The following SCAF1 variants were observed in gnomAD, a reference collection of about 807,000 sequenced individuals.
SCAF1 encodes the protein splicing factor, arginine/serine-rich 19.
In SCAF1, 28 loss-of-function variants were observed where a neutral mutation model predicts 91.2. The observed-to-expected ratio is 0.31, with a 90% CI of 0.23 to 0.42. The LOEUF is 0.42. SCAF1 is among the 10% of genes least tolerant of loss of function. SCAF1 has a pLI of 1.00. For synonymous variants in SCAF1, 1,036 were observed against 833.7 expected (o/e 1.24, Z -4.18); for missense variants, 1,893 against 1,872.1 (o/e 1.01, Z -0.21).
chr19:49,652,123 C>G lies in SCAF1; in HGVS notation c.1734C>G (p.Ser578=), dbSNP rs1057073314. 19 of 1,126,656 alleles carry G rather than the reference C, an allele frequency of 1.7e-5. No homozygotes were observed. Among genetic ancestry groups the G allele is most frequent in the Non-Finnish European group, 2.0e-5 (18 of 913,842 alleles). 69.8% of individuals were successfully genotyped at this position (1,126,656 alleles called of 1,614,324 possible). ...CCCGCCGCCGCTCCCGCTCCCGCTC[C>G]CGCTCCCGCTCCACCCGCCGCCGCT... ...SSARRRSRSR[S]RSRSTRRRSR... Residue 578 remains serine, a synonymous_variant, in exon 7 of 11, where the codon TCC becomes TCG. Transcript: ENST00000360565.
intron 9 of SCAF1, 36 bp from the exon 10 acceptor site, chr19:49,657,725 T>G: frequency 6.4e-7 from 1 of 1,573,736 alleles, no homozygotes; most frequent in Non-Finnish European, 8.6e-7. Flanking sequence ...TCACTGGCCC[T>G]TGCTGTGTCT....
chr19:49,651,881 T>TCGCCCTCCCCGGCGCCCG lies in SCAF1; in HGVS notation c.1498_1515dup (p.Ser500_Pro505dup), dbSNP rs1323659898. The stretch of plus-strand genomic sequence containing the variant: ...ACGGCGGGAGCGCTACCGCCAGCGC[T>TCGCCCTCCCCGGCGCCCG]CGCCCTCCCCGGCGCCCGCGCCCGC... On this transcript the variant is annotated inframe_insertion, in exon 7 of 11. Coordinates refer to ENST00000360565, the MANE Select transcript of SCAF1 (RefSeq NM_021228.3). 2.2e-5 allele frequency: 27 copies of TCGCCCTCCCCGGCGCCCG among 1,206,876 alleles called. No homozygotes were observed. The highest frequency in any genetic ancestry group is 2.8e-5 in the Non-Finnish European group (27 of 969,816). 74.8% of individuals were successfully genotyped at this position (1,206,876 alleles called of 1,614,324 possible).
chr19:49,652,481 C>T lies in SCAF1; in HGVS notation c.2092C>T (p.Leu698Phe). 1.9e-6 allele frequency: 3 copies of T among 1,594,384 alleles called. No homozygotes were observed. The highest frequency in any genetic ancestry group is 1.1e-5 in the South Asian group (1 of 88,774). Residue 698 changes from leucine to phenylalanine, a missense_variant, in exon 7 of 11, where the codon CTC (leucine) becomes TTC (phenylalanine). Coordinates refer to ENST00000360565, the MANE Select transcript of SCAF1 (RefSeq NM_021228.3). ...PSIQDLTDHD[L>F]FAIKRTITVG... ...CATCCAGGACCTCACGGACCACGAC[C>T]TCTTCGCCATCAAGCGGACCATCAC... is the stretch of plus-strand genomic sequence containing the variant.
At chr19:49,653,757 G>A in intron 7 of SCAF1, 52 bp downstream of exon 7, 1 of 1,446,968 alleles carries the variant, frequency 6.9e-7, no homozygotes, top group East Asian at 2.5e-5. Flanking sequence ...ACAGGATGGG[G>A]ACTGGAGGGT....
chr19:49,650,757 C>T (rs916825232), intron 6 of SCAF1, 111 bp from the exon 7 acceptor site: 2 of 772,554 alleles, frequency 2.6e-6, no homozygotes, highest in Non-Finnish European at 2.1e-6. Flanking sequence ...GCACTTGGGG[C>T]TTCCTGGGCA....
In SCAF1 at chr19:49,647,509, C is replaced by T. The variant is rs552995818; in HGVS notation, c.478+679C>T. ...ACCCTGGGTTTAGGCCTTCCTTCTA[C>T]GTGAACATCTGTATTTGGAGGAGGG... is the stretch of plus-strand genomic sequence containing the variant. On this transcript the variant is annotated intron_variant, in intron 6 of 10. Transcript: ENST00000360565. Among the ~76,000 whole-genome samples, 9 of 152,212 alleles carry T rather than the reference C, an allele frequency of 5.9e-5. No individual in the cohort carries two copies. The South Asian group carries it at 1.5e-3, about 25-fold the overall frequency.
chr19:49,657,159 CAAAGAAACAAA>C (rs1568446998), intron 9 of SCAF1, among the ~76,000 whole-genome samples: 1 of 152,066 alleles, frequency 6.6e-6, no homozygotes, highest in African/African-American at 2.4e-5. Flanking sequence ...GTCTCAAAAA[CAAAGAAACAAA>C]AAAGGAGCCA....
intron 9 of SCAF1, among the ~76,000 whole-genome samples, chr19:49,657,016 G>A (rs896133909): frequency 3.9e-5 from 6 of 152,170 alleles, no homozygotes; most frequent in Admixed American, 2.0e-4. Flanking sequence ...TTAGCCAGGC[G>A]TGGGGGTGGC....
At chr19:49,657,596 C>T (rs2081147987) in intron 9 of SCAF1, among the ~76,000 whole-genome samples, 165 bp from the exon 10 acceptor site, 1 of 152,222 alleles carries the variant, frequency 6.6e-6, no homozygotes, top group South Asian at 2.1e-4. Flanking sequence ...TCCCGGGCAC[C>T]TGCAGCAGAG....
rs2081093707 is a variant in SCAF1, at chr19:49,651,866, C to G, written c.1477C>G (p.Arg493Gly). ...RRKILTQRRE[R>G]YRQRSPSPAP... ...CAAGATCCTGACCCAACGGCGGGAGCGCTACCGCCAGCGCTCGCCCTCCCC... is the reference window on the plus strand; with the variant it reads ...CAAGATCCTGACCCAACGGCGGGAGGGCTACCGCCAGCGCTCGCCCTCCCC... The change falls in exon 7 of 11, where the codon CGC (arginine) becomes GGC (glycine). Residue 493 changes from arginine (R) to glycine (G), a missense_variant. Coordinates refer to ENST00000360565, the MANE Select transcript of SCAF1 (RefSeq NM_021228.3). The G allele has an allele frequency of 1.6e-6, 2 of 1,235,908 alleles. No individual in the cohort carries two copies. The highest frequency in any genetic ancestry group is 2.0e-6 in the Non-Finnish European group (2 of 988,200). The allele number at this position is 1,235,908 out of a possible 1,614,324, so 76.6% of individuals were successfully genotyped here.
rs752968822 is a variant in SCAF1 at position 49,646,094 on chromosome 19, A to G, written c.167-14A>G. 6.2e-7 allele frequency: 1 copy of G among 1,610,832 alleles called. No homozygotes were observed. Among genetic ancestry groups the G allele is most frequent in the Non-Finnish European group, 8.5e-7 (1 of 1,179,110 alleles). ...GTCCCCTGTGTCCAATCCCCCATGCAAATCTCTCACCAGATGGCTCTCGGT... is the reference window on the plus strand; with the variant it reads ...GTCCCCTGTGTCCAATCCCCCATGCGAATCTCTCACCAGATGGCTCTCGGT... On this transcript the variant is annotated splice_polypyrimidine_tract_variant and intron_variant, in intron 3 of 10. Transcript: ENST00000360565. This position sits in a 1 kb window ranked among gnomAD's most constrained non-coding sequence, Gnocchi z 5.6.
Position 49,652,372 on chromosome 19 carries a change from G to C in SCAF1, c.1983G>C (p.Lys661Asn). The C allele has an allele frequency of 6.5e-7, 1 of 1,541,248 alleles. No homozygotes were observed. The highest frequency in any genetic ancestry group is 8.7e-7 in the Non-Finnish European group (1 of 1,146,868). ...GEKRSGDGSE[K>N]APAPAPPPSG... ...AGCGGTCTGGGGATGGCAGCGAGAA[G>C]GCCCCGGCGCCCGCCCCGCCGCCCT... Residue 661 changes from lysine (K) to asparagine (N), a missense_variant, in exon 7 of 11, where the codon AAG becomes AAC. By Grantham distance (94) the Lys-to-Asn change is moderately conservative. Coordinates refer to ENST00000360565, the MANE Select transcript of SCAF1 (RefSeq NM_021228.3).
chr19:49,648,815 A>G (rs2081069859), intron 6 of SCAF1, among the ~76,000 whole-genome samples: 1 of 152,002 alleles, frequency 6.6e-6, no homozygotes, highest in Non-Finnish European at 1.5e-5. Flanking sequence ...CATTAAAAAT[A>G]CAAAAATTAG....
Position 49,646,976 on chromosome 19 carries a change from C to T in SCAF1, c.478+146C>T, listed in dbSNP as rs577522744. The T allele has an allele frequency of 1.7e-5, 11 of 651,838 alleles. No individual in the cohort carries two copies. Among genetic ancestry groups the T allele is most frequent in the East Asian group, 1.6e-4 (6 of 36,434 alleles). 40.4% of individuals were successfully genotyped at this position (651,838 alleles called of 1,614,324 possible). A position where few individuals can be genotyped will look rare whatever the true frequency, so the allele number is the denominator to read the frequency against. On this transcript the variant is annotated intron_variant, in intron 6 of 10. Transcript: ENST00000360565. This position sits in a 1 kb window ranked among gnomAD's most constrained non-coding sequence, Gnocchi z 5.6. ...TATTAGACGTGATTAAGGCTGTAGG[C>T]GCATACAGATGTACATAAAGTAAAA...
Position 49,645,084 on chromosome 19 carries a change from G to A in SCAF1, c.58G>A (p.Asp20Asn), listed in dbSNP as rs369344815. Reference sequence around the variant, plus strand: ...AGAGGAGTCGGGGGAGGATCGGGGCGATGGTCCGCCAGACAGAGACCCCAC... The same window carrying A: ...AGAGGAGTCGGGGGAGGATCGGGGCAATGGTCCGCCAGACAGAGACCCCAC... The part of the protein sequence containing the change: ...KTEESGEDRG[D>N]GPPDRDPTLS... Residue 20 changes from aspartate to asparagine, a missense_variant, in exon 2 of 11, where the codon GAT (aspartate) becomes AAT (asparagine). Transcript: ENST00000360565. This position sits in a 1 kb window ranked among gnomAD's most constrained non-coding sequence, Gnocchi z 4.6. The A allele has an allele frequency of 1.4e-5, 22 of 1,614,064 alleles. No individual in the cohort carries two copies. Among genetic ancestry groups the A allele is most frequent in the Non-Finnish European group, 1.9e-5 (22 of 1,180,022 alleles).
Position 49,651,962 on chromosome 19 carries a change from C to A in SCAF1, c.1573C>A (p.Arg525Ser). The A allele has an allele frequency of 8.3e-7, 1 of 1,197,982 alleles. No individual in the cohort carries two copies. Among genetic ancestry groups the A allele is most frequent in the South Asian group, 1.8e-5 (1 of 57,108 alleles). The allele number at this position is 1,197,982 out of a possible 1,614,324, so 74.2% of individuals were successfully genotyped here. A position where few individuals can be genotyped will look rare whatever the true frequency, so the allele number is the denominator to read the frequency against. Residue 525 changes from arginine to serine, a missense_variant, in exon 7 of 11, where the codon CGC (arginine) becomes AGC (serine). This residue lies in a region of SCAF1 where 1,436 missense variants were observed against 1,306.8 expected (regional missense o/e 1.10). Coordinates refer to ENST00000360565, the MANE Select transcript of SCAF1 (RefSeq NM_021228.3). ...TRKKSRRERK[R>S]SGEAKEAASS... is the part of the protein sequence containing the mutation. ...CAAGAAGTCCAGGCGGGAACGCAAG[C>A]GCAGCGGCGAGGCCAAGGAGGCCGC...
chr19:49,642,308 G>A lies in SCAF1; in HGVS notation c.-7+66G>A, dbSNP rs1599817896. On this transcript the variant is annotated intron_variant, in intron 1 of 10. Coordinates refer to ENST00000360565, the MANE Select transcript of SCAF1 (RefSeq NM_021228.3). This position sits in a 1 kb window ranked among gnomAD's most constrained non-coding sequence, Gnocchi z 4.0. ...TATTGGGGTGGGCGGGGCGGAGTTG[G>A]GTCGCTAGTTGTCCCGGGGTCCTCC... 1.3e-5 allele frequency: 2 copies of A among 152,260 alleles called. No homozygotes were observed. The highest frequency in any genetic ancestry group is 1.9e-4 in the East Asian group (1 of 5,166). 9.4% of individuals were successfully genotyped at this position (152,260 alleles called of 1,614,324 possible). A position where few individuals can be genotyped will look rare whatever the true frequency, so the allele number is the denominator to read the frequency against.
At position 49,646,051 on chromosome 19, in the gene SCAF1, C is replaced by T. The variant is rs1007556753; in HGVS notation, c.167-57C>T. On this transcript the variant is annotated intron_variant, in intron 3 of 10. Transcript: ENST00000360565. The surrounding 1 kb of genome is among the most constrained non-coding windows in gnomAD (Gnocchi z 5.6). ...GATCAAGCTCCTCTTTCCTCTACCC[C>T]GCAAGTCTCTGCAGCAAGTCCCCTG... 1.4e-5 allele frequency: 21 copies of T among 1,501,100 alleles called. No homozygotes were observed. Among genetic ancestry groups the T allele is most frequent in the South Asian group, 4.5e-5 (4 of 88,876 alleles). The allele number at this position is 1,501,100 out of a possible 1,614,324, so 93.0% of individuals were successfully genotyped here. A position where few individuals can be genotyped will look rare whatever the true frequency, so the allele number is the denominator to read the frequency against.
rs777052468 is a variant in SCAF1, at chr19:49,651,466, A to G, written c.1077A>G (p.Ala359=). 5.0e-6 allele frequency: 8 copies of G among 1,586,770 alleles called. No homozygotes were observed. In the South Asian group the frequency reaches 9.1e-5, roughly 18 times the overall value. ...GGGTCTTCGTGGTGGGGACCGAGGC[A>G]GAGGCTTGTCGGGAAGGCAAGGTCT... ...RRRVFVVGTE[A]EACREGKVSV... is the part of the protein sequence containing the mutation. The change falls in exon 7 of 11, where the codon GCA becomes GCG. Residue 359 remains alanine (A), a synonymous_variant. Transcript: ENST00000360565.
Sources: gnomAD v4.1 joint callset for allele counts (sites outside exome capture counted in the v4.1 genomes callset) on GRCh38, gnomAD v4.1.1 for gene constraint, gnomAD v4.1.1 regional missense constraint, Gnocchi (gnomAD v3.1) non-coding constraint, MANE v1.5 for transcripts, NCBI Gene and HGNC (gene_info 2026-07-23, HGNC 2026-07-21) for gene names.